The following FN1 variants were observed in gnomAD, a reference collection of about 807,000 sequenced individuals.
The protein encoded by FN1 is fibronectin.
In FN1, 106 loss-of-function variants were observed where a neutral mutation model predicts 297.3. That is an observed-to-expected ratio of 0.36 (90% CI 0.30 to 0.42). The LOEUF (loss-of-function observed/expected upper bound fraction) is 0.42. FN1 is among the 10% of genes least tolerant of loss of function. The pLI is 1.00. For synonymous variants in FN1, 1,149 were observed against 1,152.6 expected (o/e 1.00, Z 0.06); for missense variants, 2,690 against 3,124.9 (o/e 0.86, Z 3.32).
chr2:215,433,433 A>C lies in FN1; in HGVS notation c.306T>G (p.Thr102=). The C allele has an allele frequency of 1.2e-6, 2 of 1,614,174 alleles. No individual in the cohort carries two copies. The highest frequency in any genetic ancestry group is 1.7e-6 in the Non-Finnish European group (2 of 1,180,020). Residue 102 remains threonine (T), a synonymous_variant, in exon 3 of 46, where the codon ACT becomes ACG. Transcript: ENST00000354785. ...TGTCACCCACTCGGTAAGTGTTCCC[A>C]GTGTACTTGTCAAAGCAAGTCTCTT... ...EAEETCFDKY[T]GNTYRVGDTY... is the part of the protein sequence containing the mutation.
chr2:215,415,513 A>T (rs1304365475), intron 12 of FN1, among the ~76,000 whole-genome samples: 1 of 152,194 alleles, frequency 6.6e-6, no homozygotes, highest in African/African-American at 2.4e-5. Context: ...ACCTAGTTTT[A>T]TTTCTCATCA....
At chr2:215,433,823 C>A (rs1326833170) in intron 2 of FN1, among the ~76,000 whole-genome samples, 3 of 152,248 alleles carry the variant, frequency 2.0e-5, no homozygotes, top group African/African-American at 7.2e-5. Flanking sequence ...AACGATTGGC[C>A]GGGCACAGTG....
chr2:215,434,800 T>C lies in FN1; in HGVS notation c.173A>G (p.His58Arg). 1 of 1,613,676 alleles carries C rather than the reference T, an allele frequency of 6.2e-7. No homozygotes were observed. Among genetic ancestry groups the C allele is most frequent in the Non-Finnish European group, 8.5e-7 (1 of 1,179,822 alleles). ...CTCCCACTGTTGATTTATCTGATAGTGTTTTCCATTGTCATAACAACCGGC... is the reference window on the plus strand; with the variant it reads ...CTCCCACTGTTGATTTATCTGATAGCGTTTTCCATTGTCATAACAACCGGC... ...SKPGCYDNGK[H>R]YQINQQWERT... Residue 58 changes from histidine to arginine, a missense_variant, in exon 2 of 46, where the codon CAC becomes CGC. By Grantham distance (29) the His-to-Arg change is conservative. Around this residue, in one of 3 missense-constraint regions of FN1, gnomAD observed 876 missense variants for 1,058.1 expected, o/e 0.83. Transcript: ENST00000354785.
Position 215,391,774 on chromosome 2 carries a change from A to G in FN1, c.4110T>C (p.Gly1370=). The G allele has an allele frequency of 1.2e-6, 2 of 1,614,160 alleles. No individual in the cohort carries two copies. Among genetic ancestry groups the G allele is most frequent in the Non-Finnish European group, 1.7e-6 (2 of 1,180,006 alleles). Residue 1370 remains glycine (G), a synonymous_variant, in exon 26 of 46, where the codon GGT becomes GGC. Transcript: ENST00000354785. ...PPTDLRFTNI[G]PDTMRVTWAP... ...CCCAGGTGACACGCATGGTGTCTGG[A>G]CCAATGTTGGTGAATCGCAGGTCAG...
chr2:215,422,062 C>G (rs777338580), intron 10 of FN1, 29 bp downstream of exon 10: 2 of 1,612,744 alleles, frequency 1.2e-6, no homozygotes, highest in Admixed American at 1.7e-5. Flanking sequence ...TTTGCCATCT[C>G]AAATATTTTT....
At position 215,393,024 on chromosome 2, in the gene FN1, T is replaced by G; in HGVS notation, c.3976A>C (p.Thr1326Pro). Reference protein sequence around the residue: ...VDSSVGYYTVTGLEPGIDYDI... With the variant: ...VDSSVGYYTVPGLEPGIDYDI... ...TAGTCAATGCCCGGCTCCAGCCCTG[T>G]GACTGTGTAGTATCCTACTGAGGAG... is the stretch of plus-strand genomic sequence containing the variant. Residue 1326 changes from threonine (T) to proline (P), a missense_variant, in exon 25 of 46, where the codon ACA becomes CCA. Around this residue, in one of 3 missense-constraint regions of FN1, gnomAD observed 1,743 missense variants for 1,945.2 expected, o/e 0.90. Transcript: ENST00000354785. 1 of 1,614,030 alleles carries G rather than the reference T, an allele frequency of 6.2e-7. No individual in the cohort carries two copies. The highest frequency in any genetic ancestry group is 8.5e-7 in the Non-Finnish European group (1 of 1,180,012).
Position 215,391,683 on chromosome 2 carries a change from C to G in FN1, c.4201G>C (p.Asp1401His). 2 of 1,614,158 alleles carry G rather than the reference C, an allele frequency of 1.2e-6. No individual in the cohort carries two copies. The highest frequency in any genetic ancestry group is 1.7e-6 in the Non-Finnish European group (2 of 1,180,016). ...GGAGAAATTGACAACTCTGCAACAT[C>G]TTCCTCATTTTTCACAGGTGAGTAA... ...VRYSPVKNEE[D>H]VAELSISPSD... The change falls in exon 26 of 46, where the codon GAT (aspartate) becomes CAT (histidine). Residue 1401 changes from aspartate (D) to histidine (H), a missense_variant. Coordinates refer to ENST00000354785, the MANE Select transcript of FN1 (RefSeq NM_212482.4).
intron 37 of FN1, 23 bp from the exon 38 acceptor site, chr2:215,375,416 C>T: frequency 6.2e-7 from 1 of 1,609,088 alleles, no homozygotes; most frequent in Non-Finnish European, 8.5e-7. Context: ...AAAATTAAGT[C>T]TCTAAGAAGG....
intron 11 of FN1, among the ~76,000 whole-genome samples, chr2:215,419,886 T>C (rs766500180): frequency 3.3e-5 from 5 of 152,212 alleles, no homozygotes; most frequent in African/African-American, 4.8e-5. Context: ...TCAGTTCTGG[T>C]AATCTCACGT....
intron 6 of FN1, among the ~76,000 whole-genome samples, chr2:215,427,372 T>C (rs1315146579): frequency 1.3e-5 from 2 of 152,180 alleles, no homozygotes; most frequent in Admixed American, 6.5e-5. Context: ...TGTTGGCACA[T>C]CATATAGTAA....
At chr2:215,371,673 CTTTTTTT>C (rs11358448) in intron 40 of FN1, among the ~76,000 whole-genome samples, 1 of 109,010 alleles carries the variant, frequency 9.2e-6, no homozygotes. Flanking sequence ...AGTGGAGCCA[CTTTTTTT>C]TTTTTTTTTT....
intron 23 of FN1, among the ~76,000 whole-genome samples, chr2:215,394,963 G>GTAT (rs2060140212): frequency 6.6e-6 from 1 of 152,068 alleles, no homozygotes; most frequent in African/African-American, 2.4e-5. Context: ...GAGTGCAGCG[G>GTAT]TGTGATCTTG....
intron 28 of FN1, among the ~76,000 whole-genome samples, chr2:215,386,184 C>A (rs764604200): frequency 3.4e-5 from 5 of 145,786 alleles, no homozygotes; most frequent in Non-Finnish European, 6.0e-5. Context: ...TTCAAAGATT[C>A]TCCTGCCTCA....
chr2:215,388,099 C>T (rs1194278192), intron 27 of FN1, 113 bp downstream of exon 27: 2 of 791,414 alleles, frequency 2.5e-6, no homozygotes, highest in African/African-American at 3.4e-5. Flanking sequence ...GACAAAGGTA[C>T]ACACACCATG....
chr2:215,398,034 G>A (rs1435512589), intron 21 of FN1, among the ~76,000 whole-genome samples, 186 bp from the exon 22 acceptor site: 2 of 152,220 alleles, frequency 1.3e-5, no homozygotes. Context: ...GGTGGGGGAG[G>A]TATCTTCCAA....
Position 215,361,298 on chromosome 2 carries a change from A to C in FN1, c.*257T>G, listed in dbSNP as rs1362174527. 9.2e-6 allele frequency: 4 copies of C among 432,784 alleles called. No individual in the cohort carries two copies. The highest frequency in any genetic ancestry group is 7.9e-5 in the African/African-American group (4 of 50,464). The allele number at this position is 432,784 out of a possible 1,614,324, so 26.8% of individuals were successfully genotyped here. A position where few individuals can be genotyped will look rare whatever the true frequency, so the allele number is the denominator to read the frequency against. ...CCAAACCAAATCTTAGAATCACTTC[A>C]TTTAAAATACTGAGCGGTATTGAAT... On this transcript the variant is annotated 3_prime_UTR_variant, in exon 46 of 46. Transcript: ENST00000354785.
At position 215,361,140 on chromosome 2, in the gene FN1, G is replaced by C. The variant is rs995392692; in HGVS notation, c.*415C>G. 1 of 194,122 alleles carries C rather than the reference G, an allele frequency of 5.2e-6. No individual in the cohort carries two copies. The highest frequency in any genetic ancestry group is 2.3e-5 in the African/African-American group (1 of 42,622). The allele number at this position is 194,122 out of a possible 1,614,324, so 12.0% of individuals were successfully genotyped here. A position where few individuals can be genotyped will look rare whatever the true frequency, so the allele number is the denominator to read the frequency against. On this transcript the variant is annotated 3_prime_UTR_variant, in exon 46 of 46. Transcript: ENST00000354785. The stretch of plus-strand genomic sequence containing the variant: ...ATATCACAGTAACAAGATCATGCTT[G>C]TTCCTACAGTATTGCGGGCCAGACA...
intron 33 of FN1, 26 bp from the exon 34 acceptor site, chr2:215,379,343 G>C (rs367690071): frequency 1.2e-6 from 2 of 1,605,278 alleles, no homozygotes; most frequent in East Asian, 2.2e-5. Context: ...TTGGTTAGAG[G>C]TTATCTTATA....
intron 6 of FN1, among the ~76,000 whole-genome samples, chr2:215,426,305 C>A (rs867932700): frequency 6.6e-6 from 1 of 151,864 alleles, no homozygotes; most frequent in African/African-American, 2.4e-5. Flanking sequence ...CCCGCCACCA[C>A]GCCCGGCTAA....
Sources: gnomAD v4.1 joint callset for allele counts (sites outside exome capture counted in the v4.1 genomes callset) on GRCh38, gnomAD v4.1.1 for gene constraint, gnomAD v4.1.1 regional missense constraint, MANE v1.5 for transcripts, NCBI Gene and HGNC (gene_info 2026-07-23, HGNC 2026-07-21) for gene names.